PCCA: variants seen among roughly 807,000 people sequenced by gnomAD.
PCCA encodes propionyl-CoA carboxylase alpha chain, mitochondrial.
A neutral mutation model predicts 101.3 loss-of-function variants in PCCA; 74 were observed. The ratio of observed to expected loss-of-function variants is 0.73; its 90% CI spans 0.61 to 0.89. The LOEUF (loss-of-function observed/expected upper bound fraction) is 0.89, where lower values mean the gene tolerates loss of function less well. PCCA is among the 40% of genes least tolerant of loss of function. The pLI is 0.00. For synonymous variants in PCCA, 294 were observed against 313.6 expected (o/e 0.94, Z 0.66); for missense variants, 891 against 907.0 (o/e 0.98, Z 0.23).
In PCCA at chr13:100,408,443, C is replaced by T. The variant is rs140166164; in HGVS notation, c.1747-17190C>T. On this transcript the variant is annotated intron_variant, in intron 19 of 23. Coordinates refer to ENST00000376285, the MANE Select transcript of PCCA (RefSeq NM_000282.4). The stretch of plus-strand genomic sequence containing the variant: ...TTTTGTTTCTCAATGATTAAAGTCA[C>T]GTGAACTGAAAGGTATCACAGTTTT... Among the ~76,000 whole-genome samples the T allele has an allele frequency of 1.5e-3, 231 of 152,304 alleles. 2 individuals carry two copies. The highest frequency in any genetic ancestry group is 5.2e-3 in the African/African-American group (215 of 41,556).
intron 21 of PCCA, among the ~76,000 whole-genome samples, chr13:100,501,870 T>C (rs1220906854): frequency 1.0e-5 from 1 of 98,880 alleles, no homozygotes; most frequent in Non-Finnish European, 2.2e-5. Flanking sequence ...GGACACTCCT[T>C]CTCAATAAAT....
At chr13:100,493,435 C>T (rs2085052275) in intron 21 of PCCA, among the ~76,000 whole-genome samples, 1 of 152,192 alleles carries the variant, frequency 6.6e-6, no homozygotes, top group African/African-American at 2.4e-5. Flanking sequence ...CCTCTTACTA[C>T]AGTGAGCTTC....
chr13:100,258,899 G>A (rs2062254528), intron 9 of PCCA, among the ~76,000 whole-genome samples: 1 of 150,334 alleles, frequency 6.7e-6, no homozygotes, highest in East Asian at 2.0e-4. Context: ...AACCATCTCA[G>A]AAAACTTGTT....
At chr13:100,099,840 A>G (rs1489862546) in intron 1 of PCCA, among the ~76,000 whole-genome samples, 5 of 152,098 alleles carry the variant, frequency 3.3e-5, no homozygotes, top group Non-Finnish European at 7.4e-5. Context: ...TGACCTAGAT[A>G]AGTACTATTA....
At position 100,264,845 on chromosome 13, in the gene PCCA, C is replaced by T. The variant is rs74867752; in HGVS notation, c.819+2014C>T. 1.4e-3 allele frequency among the ~76,000 whole-genome samples: 206 copies of T among 152,252 alleles called. 2 individuals are homozygous for T. In the East Asian group the frequency reaches 0.037, roughly 27 times the overall value. On this transcript the variant is annotated intron_variant, in intron 10 of 23. Coordinates refer to ENST00000376285, the MANE Select transcript of PCCA (RefSeq NM_000282.4). ...TTTCCATTGATGCCACCCCTGCCAA[C>T]GTGTGATATTTTCAATTTTTGAAAA...
intron 21 of PCCA, chr13:100,464,447 GC>G: frequency 6.6e-6 from 1 of 152,226 alleles, no homozygotes; most frequent in East Asian, 1.9e-4. Context: ...GCAAAGAATA[GC>G]TCGGTTTTTA....
chr13:100,209,281 T>C (rs757979193), intron 6 of PCCA, 51 bp from the exon 7 acceptor site: 1 of 1,556,130 alleles, frequency 6.4e-7, no homozygotes, highest in Non-Finnish European at 8.9e-7. Context: ...TGACTCCACA[T>C]CATGCTCCGT....
intron 7 of PCCA, among the ~76,000 whole-genome samples, chr13:100,225,931 A>G (rs1287482436): frequency 6.6e-6 from 1 of 151,966 alleles, no homozygotes; most frequent in Non-Finnish European, 1.5e-5. Context: ...AGCTGAGTTT[A>G]CAGGTGTGGG....
chr13:100,176,778 G>C (rs1397171550), intron 6 of PCCA, among the ~76,000 whole-genome samples: 1 of 152,098 alleles, frequency 6.6e-6, no homozygotes, highest in East Asian at 1.9e-4. Context: ...TTTTTAATTA[G>C]GTAGAGTTTT....
chr13:100,515,760 C>T (rs764029910), intron 22 of PCCA, among the ~76,000 whole-genome samples, 193 bp downstream of exon 22: 3 of 152,248 alleles, frequency 2.0e-5, no homozygotes, highest in South Asian at 2.1e-4. Context: ...GGACCCTCAG[C>T]GCTTCCCCTC....
At chr13:100,217,319 C>G (rs1270275243) in intron 7 of PCCA, among the ~76,000 whole-genome samples, 1 of 150,770 alleles carries the variant, frequency 6.6e-6, no homozygotes, top group African/African-American at 2.4e-5. Flanking sequence ...GTGGTGCGCA[C>G]CTGTAATCCC....
rs1468060511 is a variant in PCCA, at chr13:100,430,281, A to G, written c.1845+4550A>G. 2.0e-5 allele frequency among the ~76,000 whole-genome samples: 3 copies of G among 152,148 alleles called. No individual in the cohort carries two copies. The East Asian group carries it at 5.8e-4, about 29-fold the overall frequency. On this transcript the variant is annotated intron_variant, in intron 20 of 23. Coordinates refer to ENST00000376285, the MANE Select transcript of PCCA (RefSeq NM_000282.4). ...AACTCCGTCTCAAAAACAAACAAAC[A>G]AACAAAAAACCAAAACATTATCAGT...
chr13:100,234,521 C>T (rs1200875145), intron 7 of PCCA, among the ~76,000 whole-genome samples: 1 of 151,830 alleles, frequency 6.6e-6, no homozygotes, highest in Admixed American at 6.6e-5. Context: ...TTCAGGACCC[C>T]TTTGAACTTA....
At chr13:100,159,198 A>T (rs574354950) in intron 6 of PCCA, among the ~76,000 whole-genome samples, 2 of 135,550 alleles carry the variant, frequency 1.5e-5, no homozygotes, top group Non-Finnish European at 3.0e-5. Flanking sequence ...GGTTCAAGCT[A>T]TTCTGCCTCA....
intron 12 of PCCA, among the ~76,000 whole-genome samples, chr13:100,298,419 C>G (rs1006444354): frequency 1.3e-5 from 2 of 152,126 alleles, no homozygotes; most frequent in South Asian, 2.1e-4. Context: ...GACACAGAAA[C>G]CTTTTCCCCC....
chr13:100,414,165 A>G (rs2078216546), intron 19 of PCCA, among the ~76,000 whole-genome samples: 1 of 152,220 alleles, frequency 6.6e-6, no homozygotes, highest in East Asian at 1.9e-4. Context: ...CTTTTGTGAC[A>G]GATTGACAGA....
intron 8 of PCCA, among the ~76,000 whole-genome samples, chr13:100,242,216 A>C (rs796197068): frequency 1.6e-4 from 24 of 152,320 alleles, no homozygotes; most frequent in African/African-American, 4.6e-4. Context: ...AGTGAAAGGA[A>C]GGAAAAAGAT....
chr13:100,111,906 C>A lies in PCCA; in HGVS notation c.231+18C>A, dbSNP rs1320047269. The A allele has an allele frequency of 3.1e-6, 5 of 1,605,524 alleles. No individual in the cohort carries two copies. In the African/African-American group the frequency reaches 6.7e-5, roughly 22 times the overall value. ...CATGTCGGGTGAGTAGAATTTTCGT[C>A]TTATTTTCCATTTTACTCTGAAATT... On this transcript the variant is annotated intron_variant, in intron 3 of 23. Transcript: ENST00000376285.
At chr13:100,432,865 T>C (rs539510186) in intron 20 of PCCA, among the ~76,000 whole-genome samples, 1 of 152,344 alleles carries the variant, frequency 6.6e-6, no homozygotes, top group African/African-American at 2.4e-5. Context: ...TGGGTATGGG[T>C]ACCGCCTATA....
Sources: allele counts gnomAD v4.1 joint callset (sites outside exome capture counted in the v4.1 genomes callset), GRCh38; gene constraint gnomAD v4.1.1; transcripts MANE v1.5; gene names NCBI Gene and HGNC (gene_info 2026-07-23, HGNC 2026-07-21).